The following ARG2 variants were observed in gnomAD, a reference collection of about 807,000 sequenced individuals.
ARG2 encodes arginase-2, mitochondrial.
A neutral mutation model predicts 39.4 loss-of-function variants in ARG2; 21 were observed. The observed-to-expected ratio is 0.53, with a 90% CI of 0.38 to 0.77. ARG2 has a LOEUF of 0.77. ARG2 is among the 30% of genes least tolerant of loss of function. The probability of loss-of-function intolerance (pLI) is 0.00; values close to 1 mark genes in which losing one functional copy is unlikely to be tolerated. For synonymous variants in ARG2, 150 were observed against 156.7 expected (o/e 0.96, Z 0.32); for missense variants, 378 against 426.2 (o/e 0.89, Z 1.00).
chr14:67,644,385 CAG>C (rs1374107524), intron 3 of ARG2, among the ~76,000 whole-genome samples: 1 of 152,204 alleles, frequency 6.6e-6, no homozygotes, highest in African/African-American at 2.4e-5. Flanking sequence ...TTCAGTCACA[CAG>C]CTCTTCCAGG....
intron 4 of ARG2, chr14:67,646,418 A>G (rs2037099162): frequency 3.9e-6 from 2 of 512,354 alleles, no homozygotes; most frequent in Admixed American, 3.6e-5. Flanking sequence ...AACCTTAGAG[A>G]TTTTATTCGT....
rs747425817 is a variant in ARG2, at chr14:67,645,680, T to G, written c.400T>G (p.Cys134Gly). The change falls in exon 4 of 8, where the codon TGC becomes GGC. Residue 134 changes from cysteine to glycine, a missense_variant. Cys to Gly is a radical substitution (Grantham distance 159, BLOSUM62 -3). Coordinates refer to ENST00000261783, the MANE Select transcript of ARG2 (RefSeq NM_001172.4). ...IGTISGHARH[C>G]PDLCVVWVDA... Reference sequence around the variant, plus strand: ...TACCATTAGTGGCCATGCCCGACACTGCCCAGACCTTTGTGTTGTCTGGGT... The same window carrying G: ...TACCATTAGTGGCCATGCCCGACACGGCCCAGACCTTTGTGTTGTCTGGGT... 1.2e-6 allele frequency: 2 copies of G among 1,613,808 alleles called. No individual in the cohort carries two copies. Among genetic ancestry groups the G allele is most frequent in the Admixed American group, 3.3e-5 (2 of 59,974 alleles).
chr14:67,651,609 G>A lies in ARG2; in HGVS notation c.*689G>A, dbSNP rs2037178473. On this transcript the variant is annotated 3_prime_UTR_variant, in exon 8 of 8. Coordinates refer to ENST00000261783, the MANE Select transcript of ARG2 (RefSeq NM_001172.4). ...GTATGTTTGATCACACAGCCACTTA[G>A]CAGGAAGTACTCATAAGGTTCTTTA... 2 of 1,015,084 alleles carry A rather than the reference G, an allele frequency of 2.0e-6. No individual in the cohort carries two copies. Among genetic ancestry groups the A allele is most frequent in the East Asian group, 2.8e-5 (1 of 36,058 alleles). 62.9% of individuals were successfully genotyped at this position (1,015,084 alleles called of 1,614,324 possible).
chr14:67,630,010 C>T (rs2036903094), intron 2 of ARG2, among the ~76,000 whole-genome samples: 1 of 152,178 alleles, frequency 6.6e-6, no homozygotes, highest in Non-Finnish European at 1.5e-5. Context: ...GAAGAGCCCT[C>T]GTTCTCAGTG....
At chr14:67,639,552 T>C (rs191568665) in intron 2 of ARG2, among the ~76,000 whole-genome samples, 1 of 151,908 alleles carries the variant, frequency 6.6e-6, no homozygotes, top group African/African-American at 2.4e-5. Context: ...AACCTAATGG[T>C]TGATGTGATT....
At chr14:67,642,891 C>T (rs1359518753) in intron 3 of ARG2, among the ~76,000 whole-genome samples, 1 of 144,616 alleles carries the variant, frequency 6.9e-6, no homozygotes, top group Non-Finnish European at 1.5e-5. Context: ...CAACCTCTGC[C>T]TCCTAGGCTC....
At chr14:67,633,451 G>A (rs1351660638) in intron 2 of ARG2, among the ~76,000 whole-genome samples, 2 of 152,118 alleles carry the variant, frequency 1.3e-5, no homozygotes, top group Non-Finnish European at 2.9e-5. Flanking sequence ...CCATTAACTT[G>A]TCTCCATGTG....
At chr14:67,632,994 G>A (rs1261495966) in intron 2 of ARG2, among the ~76,000 whole-genome samples, 4 of 151,092 alleles carry the variant, frequency 2.6e-5, no homozygotes, top group South Asian at 2.1e-4. Context: ...CTAATTTTTC[G>A]TATTTTTAGT....
intron 3 of ARG2, among the ~76,000 whole-genome samples, chr14:67,642,793 CTTTTTTT>C (rs869215946): frequency 1.4e-3 from 105 of 75,556 alleles, no homozygotes; most frequent in African/African-American, 5.0e-3. Context: ...ACTACATTTT[CTTTTTTT>C]TTTTTTTTTT....
At chr14:67,635,696 T>C (rs1371819448) in intron 2 of ARG2, among the ~76,000 whole-genome samples, 1 of 151,860 alleles carries the variant, frequency 6.6e-6, no homozygotes, top group Non-Finnish European at 1.5e-5. Flanking sequence ...CTACTGAAAA[T>C]GCAAAAATTA....
At chr14:67,642,754 GA>G (rs2037048130) in intron 3 of ARG2, among the ~76,000 whole-genome samples, 1 of 141,468 alleles carries the variant, frequency 7.1e-6, no homozygotes, top group Admixed American at 7.3e-5. Flanking sequence ...TCTGCTAATA[GA>G]CCTGTTAGAA....
At chr14:67,647,243 T>C (rs1234091255) in intron 6 of ARG2, 1 of 443,374 alleles carries the variant, frequency 2.3e-6, no homozygotes, top group East Asian at 3.6e-5. Context: ...ATCTTCTGTC[T>C]CATGAATTTT....
At position 67,642,298 on chromosome 14, in the gene ARG2, G is replaced by A; in HGVS notation, c.297G>A (p.Leu99=). The part of the protein sequence containing the change: ...PRSVGLANQE[L]AEVVSRAVSD... ...CAGTGGGTCTTGCCAACCAGGAACT[G>A]GCTGAGGTGGTTAGCAGAGCTGTGT... Residue 99 remains leucine (L), a synonymous_variant, in exon 3 of 8, where the codon CTG becomes CTA. Coordinates refer to ENST00000261783, the MANE Select transcript of ARG2 (RefSeq NM_001172.4). 2 of 1,614,142 alleles carry A rather than the reference G, an allele frequency of 1.2e-6. No homozygotes were observed. Among genetic ancestry groups the A allele is most frequent in the Non-Finnish European group, 1.7e-6 (2 of 1,180,016 alleles).
intron 2 of ARG2, among the ~76,000 whole-genome samples, chr14:67,628,017 GA>G: frequency 6.6e-6 from 1 of 152,264 alleles, no homozygotes; most frequent in Non-Finnish European, 1.5e-5. Flanking sequence ...ATCTAGCAAA[GA>G]CCAAACCTGC....
chr14:67,631,453 T>TC (rs2036918374), intron 2 of ARG2, among the ~76,000 whole-genome samples: 1 of 148,828 alleles, frequency 6.7e-6, no homozygotes, highest in Non-Finnish European at 1.5e-5. Flanking sequence ...TTTTTTTTTT[T>TC]GAGACAGGGT....
In ARG2 at chr14:67,650,756, T is replaced by C; in HGVS notation, c.901T>C (p.Leu301=). The C allele has an allele frequency of 1.9e-6, 3 of 1,614,164 alleles. No individual in the cohort carries two copies. The highest frequency in any genetic ancestry group is 2.5e-6 in the Non-Finnish European group (3 of 1,180,012). The part of the protein sequence containing the change: ...ALDLVEVNPQ[L]ATSEEEAKTT... ...GGATCTTGTTGAAGTCAATCCTCAG[T>C]TGGCCACCTCAGAGGAAGAGGCGAA... The change falls in exon 8 of 8, where the codon TTG becomes CTG. Residue 301 remains leucine, a synonymous_variant. Transcript: ENST00000261783.
At position 67,645,667 on chromosome 14, in the gene ARG2, C is replaced by T; in HGVS notation, c.387C>T (p.Gly129=). The part of the protein sequence containing the change: ...DHSLAIGTIS[G]HARHCPDLCV... Reference sequence around the variant, plus strand: ...GCCTGGCAATCGGTACCATTAGTGGCCATGCCCGACACTGCCCAGACCTTT... The same window carrying T: ...GCCTGGCAATCGGTACCATTAGTGGTCATGCCCGACACTGCCCAGACCTTT... The change falls in exon 4 of 8, where the codon GGC becomes GGT. Residue 129 remains glycine (G), a synonymous_variant. Coordinates refer to ENST00000261783, the MANE Select transcript of ARG2 (RefSeq NM_001172.4). 1 of 1,613,728 alleles carries T rather than the reference C, an allele frequency of 6.2e-7. No homozygotes were observed. Among genetic ancestry groups the T allele is most frequent in the Non-Finnish European group, 8.5e-7 (1 of 1,179,848 alleles).
At chr14:67,632,775 C>A (rs1033083557) in intron 2 of ARG2, among the ~76,000 whole-genome samples, 1 of 94,884 alleles carries the variant, frequency 1.1e-5, no homozygotes, top group African/African-American at 4.0e-5. Context: ...AGGTCTCTTT[C>A]TTTATTTTCA....
At position 67,650,824 on chromosome 14, in the gene ARG2, T is replaced by C; in HGVS notation, c.969T>C (p.Phe323=). Residue 323 remains phenylalanine, a synonymous_variant, in exon 8 of 8, where the codon TTT becomes TTC. Transcript: ENST00000261783. ...NLAVDVIASS[F]GQTREGGHIV... Reference sequence around the variant, plus strand: ...CAGTAGATGTGATTGCTTCAAGCTTTGGTCAGACAAGAGAAGGAGGGCATA... The same window carrying C: ...CAGTAGATGTGATTGCTTCAAGCTTCGGTCAGACAAGAGAAGGAGGGCATA... 1 of 1,614,194 alleles carries C rather than the reference T, an allele frequency of 6.2e-7. No homozygotes were observed. The highest frequency in any genetic ancestry group is 1.6e-4 in the Middle Eastern group (1 of 6,062).
Sources: gnomAD v4.1 joint callset for allele counts (sites outside exome capture counted in the v4.1 genomes callset) on GRCh38, gnomAD v4.1.1 for gene constraint, MANE v1.5 for transcripts, NCBI Gene and HGNC (gene_info 2026-07-23, HGNC 2026-07-21) for gene names.